ZMYND11: variants seen among roughly 807,000 people sequenced by gnomAD.
The protein encoded by ZMYND11 is zinc finger MYND domain-containing protein 11.
Under a neutral mutation model 84.9 loss-of-function variants are expected in ZMYND11, and 9 were observed. The ratio of observed to expected loss-of-function variants is 0.11; its 90% CI spans 0.06 to 0.18. ZMYND11 has a LOEUF of 0.18. Ranked by LOEUF, ZMYND11 falls within the 10% of genes least tolerant of loss-of-function variation. The pLI, the probability that ZMYND11 is intolerant of heterozygous loss-of-function variation, is 1.00. For missense variants in ZMYND11, 409 were observed against 761.0 expected, an observed-to-expected ratio of 0.54 and a Z score of 5.44; for synonymous variants, 250 against 244.1, an observed-to-expected ratio of 1.02 and a Z score of -0.23.
At position 249,344 on chromosome 10, in the gene ZMYND11, A is replaced by G. The variant is rs1952851389; in HGVS notation, c.1686+256A>G. On this transcript the variant is annotated intron_variant, in intron 14 of 14. Transcript: ENST00000381604. ...AATACCTTAGTACATATTTATTACAATTAACTTATATAATTTCTCCATCTA... is the reference window on the plus strand; with the variant it reads ...AATACCTTAGTACATATTTATTACAGTTAACTTATATAATTTCTCCATCTA... 10 of 1,218,108 alleles carry G rather than the reference A, an allele frequency of 8.2e-6. No homozygotes were observed. The South Asian group carries it at 2.6e-4, about 32-fold the overall frequency. The allele number at this position is 1,218,108 out of a possible 1,614,324, so 75.5% of individuals were successfully genotyped here.
chr10:188,457 G>A (rs943085870), intron 2 of ZMYND11, among the ~76,000 whole-genome samples: 1 of 151,802 alleles, frequency 6.6e-6, no homozygotes, highest in African/African-American at 2.4e-5. Flanking sequence ...GCCGGGTGTG[G>A]TGGTGTATGC....
At chr10:196,439 A>G (rs1325093704) in intron 2 of ZMYND11, among the ~76,000 whole-genome samples, 2 of 152,194 alleles carry the variant, frequency 1.3e-5, no homozygotes, top group Non-Finnish European at 2.9e-5. Context: ...ATTTTTTATA[A>G]TCGAGTTAAA....
Position 236,811 on chromosome 10 carries a change from CT to C in ZMYND11, c.439-20del, listed in dbSNP as rs753774748. ...ACATAAGAATGATCAGATTTTGTACCTTTTTTTATTCTTTTTTTTTCAATAG... is the reference window on the plus strand; with the variant it reads ...ACATAAGAATGATCAGATTTTGTACCTTTTTTATTCTTTTTTTTTCAATAG... On this transcript the variant is annotated intron_variant, in intron 4 of 14. Coordinates refer to ENST00000381604, the MANE Select transcript of ZMYND11 (RefSeq NM_001370100.5). The C allele has an allele frequency of 1.5e-5, 24 of 1,583,268 alleles. No individual in the cohort carries two copies. In the Admixed American group the frequency reaches 1.9e-4, roughly 12 times the overall value.
intron 2 of ZMYND11, among the ~76,000 whole-genome samples, chr10:186,667 A>G (rs1040454050): frequency 2.4e-5 from 2 of 83,198 alleles, no homozygotes; most frequent in African/African-American, 4.6e-5. Flanking sequence ...AAAAAAAAAA[A>G]AAAAAAAAAA....
intron 4 of ZMYND11, among the ~76,000 whole-genome samples, chr10:226,159 T>C (rs1427907176): frequency 6.6e-6 from 1 of 152,192 alleles, no homozygotes; most frequent in East Asian, 1.9e-4. Context: ...TGTCTCCCCA[T>C]TACGCCAGAG....
chr10:231,895 G>A (rs1949071004), intron 4 of ZMYND11, among the ~76,000 whole-genome samples: 1 of 152,152 alleles, frequency 6.6e-6, no homozygotes, highest in Non-Finnish European at 1.5e-5. Context: ...CCATCTCATA[G>A]AATGTTTCTT....
intron 2 of ZMYND11, among the ~76,000 whole-genome samples, chr10:190,410 CCT>C (rs1940042570): frequency 6.6e-6 from 1 of 152,186 alleles, no homozygotes; most frequent in South Asian, 2.1e-4. Flanking sequence ...TCCCCACTCT[CCT>C]TAGGCTCCGG....
At chr10:186,642 C>CAAAAAAAAAAA (rs56345833) in intron 2 of ZMYND11, among the ~76,000 whole-genome samples, 3 of 95,154 alleles carry the variant, frequency 3.2e-5, no homozygotes, top group African/African-American at 8.0e-5. Flanking sequence ...AGGACTCTCT[C>CAAAAAAAAAAA]AAAAAAAAAA....
intron 1 of ZMYND11, among the ~76,000 whole-genome samples, chr10:144,733 T>C (rs528580628): frequency 6.9e-6 from 1 of 144,586 alleles, no homozygotes; most frequent in African/African-American, 2.5e-5. Context: ...ACATATAAAA[T>C]ATATATATAA....
At chr10:215,922 T>C (rs1794848468) in intron 3 of ZMYND11, among the ~76,000 whole-genome samples, 1 of 152,174 alleles carries the variant, frequency 6.6e-6, no homozygotes, top group Non-Finnish European at 1.5e-5. Flanking sequence ...TTTTGACACA[T>C]ATTAAAACAG....
At chr10:176,603 TAAAAC>T (rs1473672692) in intron 1 of ZMYND11, among the ~76,000 whole-genome samples, 3 of 152,182 alleles carry the variant, frequency 2.0e-5, no homozygotes, top group African/African-American at 7.2e-5. Flanking sequence ...TTAGTTGAAT[TAAAAC>T]AATTCTTTTG....
chr10:225,352 T>C (rs1387944478), intron 4 of ZMYND11, among the ~76,000 whole-genome samples: 2 of 27,888 alleles, frequency 7.2e-5, no homozygotes, highest in Non-Finnish European at 2.5e-4. Flanking sequence ...TGTTTTTTTG[T>C]TTTTTATGTG....
At chr10:188,652 T>C (rs1321546084) in intron 2 of ZMYND11, among the ~76,000 whole-genome samples, 2 of 152,076 alleles carry the variant, frequency 1.3e-5, no homozygotes, top group Non-Finnish European at 2.9e-5. Flanking sequence ...GTTATTTCTC[T>C]AGATGCCGTG....
At chr10:197,894 A>G (rs1942184895) in intron 2 of ZMYND11, 6 of 568,944 alleles carry the variant, frequency 1.1e-5, no homozygotes, top group South Asian at 7.0e-5. Flanking sequence ...CAAACTTACA[A>G]TATATTTCAA....
At chr10:210,494 G>T (rs1207869908) in intron 3 of ZMYND11, among the ~76,000 whole-genome samples, 2 of 152,204 alleles carry the variant, frequency 1.3e-5, no homozygotes, top group African/African-American at 4.8e-5. Flanking sequence ...GAATTTTGTG[G>T]CAGAGTACAA....
intron 2 of ZMYND11, among the ~76,000 whole-genome samples, chr10:209,512 T>C (rs757791144): frequency 1.3e-5 from 2 of 152,220 alleles, no homozygotes; most frequent in African/African-American, 2.4e-5. Flanking sequence ...ATTATAAAAT[T>C]CTAAATGTAG....
intron 1 of ZMYND11, among the ~76,000 whole-genome samples, chr10:172,280 G>T (rs1306111625): frequency 1.3e-5 from 2 of 151,218 alleles, no homozygotes; most frequent in African/African-American, 2.5e-5. Context: ...ACAGAAATAA[G>T]AAGCAAATAG....
intron 2 of ZMYND11, among the ~76,000 whole-genome samples, chr10:206,937 A>G (rs1027449027): frequency 2.6e-5 from 4 of 152,056 alleles, no homozygotes; most frequent in Non-Finnish European, 4.4e-5. Flanking sequence ...TGCTGCACCC[A>G]TTAACTCATC....
chr10:219,765 A>G (rs1946806450), intron 3 of ZMYND11, among the ~76,000 whole-genome samples: 1 of 152,144 alleles, frequency 6.6e-6, no homozygotes, highest in Non-Finnish European at 1.5e-5. Context: ...TTCCAGCCCA[A>G]CTGAAATTAC....
Sources: gnomAD v4.1 joint callset for allele counts (sites outside exome capture counted in the v4.1 genomes callset) on GRCh38, gnomAD v4.1.1 for gene constraint, MANE v1.5 for transcripts, NCBI Gene and HGNC (gene_info 2026-07-23, HGNC 2026-07-21) for gene names.